The following XRN1 variants were observed in gnomAD, a reference collection of about 807,000 sequenced individuals.
XRN1 encodes strand-exchange protein 1 homolog.
XRN1 carries 67 observed loss-of-function variants against 222.3 expected under a neutral mutation model. The ratio of observed to expected loss-of-function variants is 0.30; its 90% confidence interval spans 0.25 to 0.37. The LOEUF is 0.37. Among genes scored for constraint, XRN1 ranks in the 10% least tolerant of loss-of-function variants. The probability of loss-of-function intolerance (pLI) is 1.00; values close to 1 mark genes in which losing one functional copy is unlikely to be tolerated. For synonymous variants in XRN1, 643 were observed against 652.4 expected, an observed-to-expected ratio of 0.99 and a Z score of 0.22; for missense variants, 1,707 against 2,000.2, an observed-to-expected ratio of 0.85 and a Z score of 2.80.
chr3:142,321,522 T>C (rs1408438923), intron 37 of XRN1, among the ~76,000 whole-genome samples: 1 of 152,214 alleles, frequency 6.6e-6, no homozygotes, highest in African/African-American at 2.4e-5. Flanking sequence ...CATTGGGATT[T>C]TGATAGGAGG....
chr3:142,359,309 C>T (rs925039076), intron 30 of XRN1, among the ~76,000 whole-genome samples: 2 of 152,186 alleles, frequency 1.3e-5, no homozygotes, highest in African/African-American at 2.4e-5. Context: ...TCCATTACTA[C>T]ACCTGCCATT....
chr3:142,369,267 C>T (rs1028675110), intron 27 of XRN1, among the ~76,000 whole-genome samples: 9 of 152,106 alleles, frequency 5.9e-5, no homozygotes, highest in Non-Finnish European at 1.2e-4. Flanking sequence ...AAAGTCTACT[C>T]CTTAAAAGAA....
chr3:142,379,648 T>G (rs1340079048), intron 23 of XRN1, among the ~76,000 whole-genome samples: 4 of 152,228 alleles, frequency 2.6e-5, no homozygotes, highest in South Asian at 2.1e-4. Flanking sequence ...CTTAAATGCA[T>G]TTTTCCAATA....
chr3:142,430,106 G>A (rs1188584451), intron 2 of XRN1, among the ~76,000 whole-genome samples: 1 of 152,118 alleles, frequency 6.6e-6, no homozygotes, highest in Non-Finnish European at 1.5e-5. Flanking sequence ...CACCCATTTT[G>A]GTAGGGGGCT....
rs373311192 is a variant in XRN1, at chr3:142,314,699, T to A, written c.4622-1941A>T. 2.0e-5 allele frequency among the ~76,000 whole-genome samples: 3 copies of A among 151,684 alleles called. No individual in the cohort carries two copies. The East Asian group carries it at 5.9e-4, about 30-fold the overall frequency. On this transcript the variant is annotated intron_variant, in intron 39 of 40. Coordinates refer to ENST00000392981, the MANE Select transcript of XRN1 (RefSeq NM_001282857.2). ...GCTGGCGGATCCCTTGAGCCCAGAG[T>A]TTGAGACAAGCCTGAACAACATGGT...
intron 1 of XRN1, among the ~76,000 whole-genome samples, chr3:142,445,203 T>C (rs1456713136): frequency 1.3e-5 from 2 of 152,214 alleles, no homozygotes; most frequent in Non-Finnish European, 2.9e-5. Context: ...CTGCATTTTT[T>C]TTTCATTTAC....
At chr3:142,422,300 G>T (rs1030299750) in intron 8 of XRN1, among the ~76,000 whole-genome samples, 2 of 151,968 alleles carry the variant, frequency 1.3e-5, no homozygotes. Context: ...ACTCCAGCCT[G>T]GGCAACAGAG....
chr3:142,399,238 GA>G (rs58300200), intron 19 of XRN1, among the ~76,000 whole-genome samples: 2,844 of 59,160 alleles, frequency 0.048, 52 homozygotes, highest in African/African-American at 0.12. Flanking sequence ...AAACAATTCT[GA>G]AAAAAAAAAA....
chr3:142,403,632 A>C (rs2068229386), intron 18 of XRN1, 42 bp downstream of exon 18: 1 of 1,560,362 alleles, frequency 6.4e-7, no homozygotes, highest in Admixed American at 1.7e-5. Context: ...AGTTTAATAC[A>C]TTATAGGCAT....
chr3:142,369,920 G>A (rs766256220), intron 27 of XRN1, among the ~76,000 whole-genome samples: 6 of 149,498 alleles, frequency 4.0e-5, no homozygotes, highest in Non-Finnish European at 8.9e-5. Flanking sequence ...GGTGGCAGGC[G>A]CCTGTAATCC....
At chr3:142,336,902 T>C (rs569171885) in intron 33 of XRN1, among the ~76,000 whole-genome samples, 1 of 152,240 alleles carries the variant, frequency 6.6e-6, no homozygotes, top group South Asian at 2.1e-4. Flanking sequence ...GGGACATTAA[T>C]CTGTATTTAA....
chr3:142,382,812 T>C (rs533118509), intron 22 of XRN1, among the ~76,000 whole-genome samples: 1 of 151,984 alleles, frequency 6.6e-6, no homozygotes, highest in South Asian at 2.1e-4. Context: ...TATACACAGA[T>C]ATACAAACAT....
chr3:142,418,800 A>T lies in XRN1; in HGVS notation c.1240+15T>A. Reference sequence around the variant, plus strand: ...TCAAAGTAGTAACATATCAAAACACATACTTCATACTTACCCTTAGAAGTT... The same window carrying T: ...TCAAAGTAGTAACATATCAAAACACTTACTTCATACTTACCCTTAGAAGTT... On this transcript the variant is annotated intron_variant, in intron 11 of 40. Coordinates refer to ENST00000392981, the MANE Select transcript of XRN1 (RefSeq NM_001282857.2). 1 of 1,612,440 alleles carries T rather than the reference A, an allele frequency of 6.2e-7. No individual in the cohort carries two copies. The highest frequency in any genetic ancestry group is 8.5e-7 in the Non-Finnish European group (1 of 1,178,668).
intron 2 of XRN1, among the ~76,000 whole-genome samples, chr3:142,427,836 C>T (rs2069325398): frequency 6.6e-6 from 1 of 152,224 alleles, no homozygotes; most frequent in Admixed American, 6.5e-5. Flanking sequence ...TTAGGAAGCT[C>T]TGCTTTGAGT....
intron 29 of XRN1, 112 bp downstream of exon 29, chr3:142,364,935 G>T: frequency 3.6e-6 from 3 of 836,364 alleles, no homozygotes; most frequent in Non-Finnish European, 4.7e-6. Flanking sequence ...TAAAAAGATT[G>T]TTTGTTCCTG....
intron 29 of XRN1, among the ~76,000 whole-genome samples, chr3:142,363,237 G>A (rs940834514): frequency 1.3e-5 from 2 of 150,036 alleles, no homozygotes; most frequent in Admixed American, 6.6e-5. Context: ...AAGGAGTTGT[G>A]GATTTTTTTT....
At chr3:142,394,161 T>C (rs1468810265) in intron 20 of XRN1, among the ~76,000 whole-genome samples, 1 of 152,120 alleles carries the variant, frequency 6.6e-6, no homozygotes, top group Non-Finnish European at 1.5e-5. Flanking sequence ...GTCTACTTTC[T>C]TCACTTCTCC....
At chr3:142,347,127 T>A (rs2107803089) in intron 33 of XRN1, 107 bp downstream of exon 33, 1 of 849,884 alleles carries the variant, frequency 1.2e-6, no homozygotes, top group African/African-American at 1.8e-5. Flanking sequence ...TCGTATACTT[T>A]AAAATAATGA....
chr3:142,362,658 C>T (rs2107853052), intron 29 of XRN1, among the ~76,000 whole-genome samples: 1 of 146,224 alleles, frequency 6.8e-6, no homozygotes, highest in African/African-American at 2.5e-5. Flanking sequence ...CCTTCCCTCC[C>T]TCCTGCTCCG....
Sources: allele counts gnomAD v4.1 joint callset (sites outside exome capture counted in the v4.1 genomes callset), GRCh38; gene constraint gnomAD v4.1.1; transcripts MANE v1.5; gene names NCBI Gene and HGNC (gene_info 2026-07-23, HGNC 2026-07-21).